Variants in ODF2 observed in about 807,000 individuals in gnomAD.
ODF2 encodes outer dense fiber of sperm tails 2, also known as outer dense fiber protein 2.
A neutral mutation model predicts 110.2 loss-of-function variants in ODF2; 47 were observed. That is an observed-to-expected ratio of 0.43 (90% CI 0.34 to 0.54). The LOEUF (loss-of-function observed/expected upper bound fraction) is 0.54. Ranked by LOEUF, ODF2 falls within the 20% of genes least tolerant of loss-of-function variation. The pLI, the probability that ODF2 is intolerant of heterozygous loss-of-function variation, is 0.03. For missense variants in ODF2, 812 were observed against 1,054.5 expected (o/e 0.77, Z 3.19); for synonymous variants, 352 against 397.7 (o/e 0.89, Z 1.37).
At chr9:128,472,253 G>A (rs772703746) in intron 6 of ODF2, among the ~76,000 whole-genome samples, 37 of 152,302 alleles carry the variant, frequency 2.4e-4, no homozygotes, top group Non-Finnish European at 5.1e-4. Flanking sequence ...TGTCATCCAG[G>A]CTGGAGTGCA....
intron 20 of ODF2, 140 bp from the exon 21 acceptor site, chr9:128,499,927 A>G: frequency 2.6e-6 from 2 of 754,728 alleles, no homozygotes; most frequent in South Asian, 3.8e-5. Flanking sequence ...ATTTTCAGAA[A>G]GAAACCCCAT....
exon 21 of ODF2, chr9:128,500,146 A>C: frequency 1.2e-6 from 2 of 1,614,272 alleles, no homozygotes. Flanking sequence ...CGCAGCATGC[A>C]GAACTACGTC....
At chr9:128,487,964 A>G in exon 14 of ODF2, 5 of 1,614,010 alleles carry the variant, frequency 3.1e-6, no homozygotes, top group Non-Finnish European at 4.2e-6. Context: ...AGCCTGGTGG[A>G]GAGACTACAC....
At chr9:128,497,438 AAAAAAAAAATATATATATATAT>A (rs1176322204) in intron 18 of ODF2, 948 of 94,552 alleles carry the variant, frequency 0.01, 59 homozygotes, top group African/African-American at 0.05. Flanking sequence ...AAAAAAAAAA[AAAAAAAAAATATATATATATAT>A]ATATATATAT....
At chr9:128,492,101 G>A (rs1844717431) in intron 14 of ODF2, among the ~76,000 whole-genome samples, 1 of 152,080 alleles carries the variant, frequency 6.6e-6, no homozygotes, top group Non-Finnish European at 1.5e-5. Flanking sequence ...TCCTAACCTT[G>A]TGATCCGCCC....
At chr9:128,488,475 C>T (rs1342190619) in intron 14 of ODF2, among the ~76,000 whole-genome samples, 1 of 152,174 alleles carries the variant, frequency 6.6e-6, no homozygotes, top group Non-Finnish European at 1.5e-5. Context: ...TGCTTCCTGG[C>T]TGTAGGACCT....
At chr9:128,491,907 C>T (rs1274467005) in intron 14 of ODF2, among the ~76,000 whole-genome samples, 2 of 145,954 alleles carry the variant, frequency 1.4e-5, no homozygotes, top group African/African-American at 2.5e-5. Context: ...TGCTCTGTCG[C>T]CCAGGCTGGA....
At chr9:128,470,300 G>A (rs1839655876) in intron 5 of ODF2, among the ~76,000 whole-genome samples, 1 of 151,170 alleles carries the variant, frequency 6.6e-6, no homozygotes, top group Admixed American at 6.6e-5. Context: ...CGAGGTCCAG[G>A]GAACCTCCTG....
chr9:128,486,928 G>C (rs1843473573), intron 13 of ODF2, among the ~76,000 whole-genome samples: 1 of 152,170 alleles, frequency 6.6e-6, no homozygotes, highest in Non-Finnish European at 1.5e-5. Flanking sequence ...GATTCCAGAA[G>C]CGTCTGTCCT....
At chr9:128,484,940 T>C in intron 12 of ODF2, 54 bp downstream of exon 12, 2 of 1,545,998 alleles carry the variant, frequency 1.3e-6, no homozygotes, top group African/African-American at 2.8e-5. Flanking sequence ...GGCTGGGTGA[T>C]GGCAGAGGGG....
chr9:128,472,739 A>G (rs966790942), intron 6 of ODF2, among the ~76,000 whole-genome samples, 174 bp from the exon 7 acceptor site: 9 of 152,160 alleles, frequency 5.9e-5, no homozygotes, highest in Admixed American at 1.3e-4. Flanking sequence ...GGCAGATGTA[A>G]CTTCTGGCCC....
At position 128,496,720 on chromosome 9, in the gene ODF2, A is replaced by G. The variant is rs145597410; in HGVS notation, c.2012+579A>G. ...GAAAGGGTCAAGGTAGAGTTTATCT[A>G]TCTATCTATCTATCTATCTATCATC... On this transcript the variant is annotated intron_variant, in intron 18 of 20. Coordinates refer to ENST00000604420, the Ensembl canonical transcript of ODF2. Among the ~76,000 whole-genome samples the G allele has an allele frequency of 1.2e-3, 182 of 151,712 alleles. 6 individuals carry two copies. The East Asian group carries it at 0.027, about 23-fold the overall frequency.
At chr9:128,457,022 C>T in intron 1 of ODF2, 1 of 1,275,780 alleles carries the variant, frequency 7.8e-7, no homozygotes, top group Non-Finnish European at 1.0e-6. Context: ...CGGTTCTCAC[C>T]CGCCCTCTCC....
In ODF2 at chr9:128,494,721, T is replaced by C. The variant is rs1423328056; in HGVS notation, c.1911+53T>C. On this transcript the variant is annotated intron_variant, in intron 17 of 20. Coordinates refer to ENST00000604420, the Ensembl canonical transcript of ODF2. The surrounding 1 kb of genome is among the most constrained non-coding windows in gnomAD (Gnocchi z 4.6). ...GAACTGACCCGAGCAGGGGCCCGCA[T>C]ACCAAGATGAGCTGCACGCCCCCCA... 2 of 1,614,078 alleles carry C rather than the reference T, an allele frequency of 1.2e-6. No homozygotes were observed. Among genetic ancestry groups the C allele is most frequent in the South Asian group, 1.1e-5 (1 of 91,078 alleles).
chr9:128,497,446 A>AAAATATATATAT (rs1554857542), intron 18 of ODF2: 1 of 42,594 alleles, frequency 2.3e-5, no homozygotes, highest in Non-Finnish European at 3.6e-5. Flanking sequence ...AAAAAAAAAA[A>AAAATATATATAT]ATATATATAT....
intron 2 of ODF2, chr9:128,457,548 T>C (rs1588673342): frequency 4.4e-6 from 6 of 1,369,468 alleles, no homozygotes; most frequent in Non-Finnish European, 5.8e-6. Flanking sequence ...TTGCTGAAAG[T>C]CTGGACCAAA....
intron 17 of ODF2, among the ~76,000 whole-genome samples, chr9:128,495,749 G>A (rs571789657): frequency 6.6e-6 from 1 of 152,322 alleles, no homozygotes; most frequent in East Asian, 1.9e-4. Flanking sequence ...TCTCATGTCT[G>A]TCCTGGATCC....
intron 6 of ODF2, 80 bp from the exon 7 acceptor site, chr9:128,472,833 A>C (rs988017242): frequency 6.3e-7 from 1 of 1,595,496 alleles, no homozygotes; most frequent in Non-Finnish European, 8.6e-7. Context: ...TGAGCCCCCT[A>C]GGGCATTGTG....
In ODF2 at chr9:128,487,872, C is replaced by A; in HGVS notation, c.1401-18C>A. On this transcript the variant is annotated intron_variant, in intron 13 of 20. Transcript: ENST00000604420. The stretch of plus-strand genomic sequence containing the variant: ...GTAATTGATTCTCTCTGTCTGCTTT[C>A]ACTTTGTGATCTTCCAGCCGGGTAA... 1.9e-6 allele frequency: 3 copies of A among 1,613,340 alleles called. No homozygotes were observed. The South Asian group carries it at 3.3e-5, about 18-fold the overall frequency.
Sources: gnomAD v4.1 joint callset for allele counts (sites outside exome capture counted in the v4.1 genomes callset) on GRCh38, gnomAD v4.1.1 for gene constraint, Gnocchi (gnomAD v3.1) non-coding constraint, MANE v1.5 for transcripts, NCBI Gene and HGNC (gene_info 2026-07-23, HGNC 2026-07-21) for gene names.